Variants in PIGN observed in about 807,000 individuals in gnomAD.
PIGN encodes phosphatidylinositol glycan anchor biosynthesis class N, also known as GPI ethanolamine phosphate transferase 1.
Under a neutral mutation model 125.4 loss-of-function variants are expected in PIGN, and 117 were observed. The observed-to-expected ratio is 0.93, with a 90% CI of 0.80 to 1.09. PIGN has a LOEUF of 1.09. PIGN is among the 50% of genes least tolerant of loss of function. The probability of loss-of-function intolerance (pLI) is 0.00; values close to 1 mark genes in which losing one functional copy is unlikely to be tolerated. For synonymous variants in PIGN, 392 were observed against 377.8 expected, an observed-to-expected ratio of 1.04 and a Z score of -0.44; for missense variants, 1,075 against 1,094.9, an observed-to-expected ratio of 0.98 and a Z score of 0.26.
rs1482906647 is a variant in PIGN at position 62,082,673 on chromosome 18, CT to C, written c.2575del (p.Ser859AlafsTer38). 6.6e-7 allele frequency: 1 copy of C among 1,510,382 alleles called. No individual in the cohort carries two copies. The allele number at this position is 1,510,382 out of a possible 1,614,324, so 93.6% of individuals were successfully genotyped here. A position where few individuals can be genotyped will look rare whatever the true frequency, so the allele number is the denominator to read the frequency against. Reference sequence around the variant, plus strand: ...TGTTTCTTAAACTAATTCATCTTACCTTTTTGACGATAACTGAGTAGTCAAC... The same window carrying C: ...TGTTTCTTAAACTAATTCATCTTACCTTTTGACGATAACTGAGTAGTCAAC... ...VQLTTQLSSK[S>X]LFLIVLVISD... On this transcript the variant is annotated frameshift_variant and splice_region_variant, in exon 28 of 31. Transcript: ENST00000640252. LOFTEE classifies it high-confidence loss of function.
chr18:62,060,508 T>C (rs1409036086), intron 30 of PIGN, among the ~76,000 whole-genome samples: 1 of 151,638 alleles, frequency 6.6e-6, no homozygotes, highest in Non-Finnish European at 1.5e-5. Flanking sequence ...TGGTATTCAC[T>C]GTAACAGTAC....
intron 1 of PIGN, among the ~76,000 whole-genome samples, chr18:62,185,499 T>A (rs10439025): frequency 0.58 from 88,483 of 151,984 alleles, 26,566 homozygotes; most frequent in East Asian, 0.78. Flanking sequence ...AGCCTGGGTA[T>A]ATTGAAATTA....
At position 62,147,007 on chromosome 18, in the gene PIGN, A is replaced by C. The variant is rs375496482; in HGVS notation, c.769T>G (p.Phe257Val). 6.2e-7 allele frequency: 1 copy of C among 1,612,378 alleles called. No homozygotes were observed. The highest frequency in any genetic ancestry group is 8.5e-7 in the Non-Finnish European group (1 of 1,178,826). ...HFYGNDGKTT[F>V]IFTSDHGMTD... Reference sequence around the variant, plus strand: ...ATTCCATGGTCAGAGGTAAAGATAAATGTTGTTTTCCCATCATTTCCATAG... The same window carrying C: ...ATTCCATGGTCAGAGGTAAAGATAACTGTTGTTTTCCCATCATTTCCATAG... Residue 257 changes from phenylalanine (F) to valine (V), a missense_variant, in exon 9 of 31, where the codon TTT (phenylalanine) becomes GTT (valine). Physicochemically the swap from Phe to Val is conservative, Grantham distance 50. Coordinates refer to ENST00000640252, the MANE Select transcript of PIGN (RefSeq NM_176787.5).
intron 23 of PIGN, among the ~76,000 whole-genome samples, chr18:62,020,947 C>A (rs548606655): frequency 7.4e-6 from 1 of 135,462 alleles, no homozygotes; most frequent in Non-Finnish European, 1.5e-5. Flanking sequence ...GGCGACTGAG[C>A]GAGACTCTGT....
rs199741951 is a variant in PIGN, at chr18:62,138,220, A to G, written c.1172+23T>C. On this transcript the variant is annotated intron_variant, in intron 14 of 30. Coordinates refer to ENST00000640252, the MANE Select transcript of PIGN (RefSeq NM_176787.5). The stretch of plus-strand genomic sequence containing the variant: ...GTGGAAAATTCTTTCCTTCAAGTTA[A>G]TAAAAAAATGTAAGGGACTTACTTA... The G allele has an allele frequency of 2.3e-5, 36 of 1,540,700 alleles. 1 individual carries two copies. In the South Asian group the frequency reaches 4.2e-4, roughly 18 times the overall value.
intron 17 of PIGN, chr18:62,107,454 G>GTC (rs1232078885): frequency 4.7e-6 from 1 of 213,210 alleles, no homozygotes; most frequent in Non-Finnish European, 9.5e-6. Context: ...TTAGCCAGGC[G>GTC]TGATGGCACA....
chr18:62,110,053 A>G (rs887481423), intron 16 of PIGN, 80 bp from the exon 17 acceptor site: 3 of 1,334,192 alleles, frequency 2.2e-6, no homozygotes, highest in Non-Finnish European at 3.2e-6. Context: ...TATAAAGTAA[A>G]GAAAACCTAT....
At chr18:62,176,758 C>T (rs55860048) in intron 1 of PIGN, among the ~76,000 whole-genome samples, 88,431 of 151,768 alleles carry the variant, frequency 0.58, 26,551 homozygotes, top group East Asian at 0.78. Context: ...CAAGGGAAAC[C>T]GGATGAGAAA....
At chr18:62,118,823 A>G (rs1038076627) in intron 14 of PIGN, among the ~76,000 whole-genome samples, 5 of 151,692 alleles carry the variant, frequency 3.3e-5, no homozygotes, top group Admixed American at 3.3e-4. Context: ...ATTATATTAT[A>G]CTATATTATT....
intron 8 of PIGN, among the ~76,000 whole-genome samples, chr18:62,147,476 C>T (rs2036376666): frequency 6.6e-6 from 1 of 152,114 alleles, no homozygotes; most frequent in Non-Finnish European, 1.5e-5. Context: ...CCCTAAAGTG[C>T]TTTTGATATA....
In PIGN at chr18:62,105,553, T is replaced by C; in HGVS notation, c.1849A>G (p.Ile617Val). ...LMPVVGRKPD[I>V]SLVMGAGLLV... ...CAATATTATTCATACACTAGAGAGA[T>C]GTCTGGCTTTCGACCTACAACCGGC... The change falls in exon 20 of 31, where the codon ATC becomes GTC. Residue 617 changes from isoleucine (I) to valine (V), a missense_variant. This residue lies in a region of PIGN where 915 missense variants were observed against 908.7 expected (regional missense o/e 1.01). Transcript: ENST00000640252. 1 of 1,532,066 alleles carries C rather than the reference T, an allele frequency of 6.5e-7. No individual in the cohort carries two copies. The allele number at this position is 1,532,066 out of a possible 1,614,324, so 94.9% of individuals were successfully genotyped here.
intron 7 of PIGN, among the ~76,000 whole-genome samples, chr18:62,151,556 G>A (rs79925778): frequency 0.041 from 6,288 of 152,196 alleles, 431 homozygotes; most frequent in African/African-American, 0.14. Flanking sequence ...CTGTGCATGC[G>A]GGCGCCCCAC....
rs1383159050 is a variant in PIGN at position 62,119,673 on chromosome 18, GTC to G, written c.1173-5036_1173-5035del. Among the ~76,000 whole-genome samples, 3 of 152,000 alleles carry G rather than the reference GTC, an allele frequency of 2.0e-5. No homozygotes were observed. The East Asian group carries it at 5.8e-4, about 29-fold the overall frequency. On this transcript the variant is annotated intron_variant, in intron 14 of 30. Transcript: ENST00000640252. ...AGCCTGGCCAACATGGTGAAACCCA[GTC>G]TCTACTAAAAGTACAAAACTTAGCC...
intron 10 of PIGN, among the ~76,000 whole-genome samples, chr18:62,145,501 A>G (rs1464080784): frequency 6.6e-6 from 1 of 152,226 alleles, no homozygotes; most frequent in Non-Finnish European, 1.5e-5. Context: ...TCTTGTAGGT[A>G]GGGTGATTTT....
intron 1 of PIGN, among the ~76,000 whole-genome samples, chr18:62,165,492 A>G (rs2037100733): frequency 6.6e-6 from 1 of 152,216 alleles, no homozygotes; most frequent in Non-Finnish European, 1.5e-5. Context: ...TAACTTAGAG[A>G]AGGAAAAGAT....
In PIGN at chr18:62,043,497, G is replaced by GA. The variant is rs2030459231; in HGVS notation, c.*2358dup. The GA allele has an allele frequency of 6.6e-6, 1 of 152,076 alleles. No individual in the cohort carries two copies. The highest frequency in any genetic ancestry group is 1.9e-4 in the East Asian group (1 of 5,198). 9.4% of individuals were successfully genotyped at this position (152,076 alleles called of 1,614,324 possible). ...GAAATTTGTAATAAGTTTTTCATGA[G>GA]AAACCATATTATAATGGATGAAGAG... On this transcript the variant is annotated 3_prime_UTR_variant, in exon 31 of 31. Transcript: ENST00000640252.
At chr18:62,132,008 CA>C (rs78263022) in intron 14 of PIGN, among the ~76,000 whole-genome samples, 4 of 150,466 alleles carry the variant, frequency 2.7e-5, no homozygotes, top group East Asian at 3.9e-4. Flanking sequence ...TTTCTAAGAA[CA>C]AAAAAAAATG....
chr18:62,099,439 G>GA (rs1327831823), intron 22 of PIGN, among the ~76,000 whole-genome samples: 8 of 151,884 alleles, frequency 5.3e-5, no homozygotes, highest in African/African-American at 1.9e-4. Flanking sequence ...CACAGAAATA[G>GA]AAAAAATCCT....
At chr18:62,182,615 A>C (rs2037757383) in intron 1 of PIGN, among the ~76,000 whole-genome samples, 1 of 152,232 alleles carries the variant, frequency 6.6e-6, no homozygotes, top group African/African-American at 2.4e-5. Flanking sequence ...ATGCAGGAAT[A>C]GGTCACCCCT....
Sources: allele counts gnomAD v4.1 joint callset (sites outside exome capture counted in the v4.1 genomes callset), GRCh38; gene constraint gnomAD v4.1.1; regional missense constraint gnomAD v4.1.1; transcripts MANE v1.5; gene names NCBI Gene and HGNC (gene_info 2026-07-23, HGNC 2026-07-21).